The following CFAP53 variants were observed in gnomAD, a reference collection of about 807,000 sequenced individuals.
CFAP53 encodes cilia and flagella associated protein 53.
A neutral mutation model predicts 59.7 loss-of-function variants in CFAP53; 62 were observed. The observed-to-expected ratio is 1.04, with a 90% CI of 0.85 to 1.28. CFAP53 has a LOEUF of 1.28. Among genes scored for constraint, CFAP53 ranks in the 50% most tolerant of loss-of-function variants. The pLI is 0.00. For missense variants in CFAP53, 629 were observed against 615.6 expected (o/e 1.02, Z -0.23); for synonymous variants, 218 against 205.7 (o/e 1.06, Z -0.51).
Position 50,252,438 on chromosome 18 carries a change from C to T in CFAP53, c.474-654G>A, listed in dbSNP as rs188989994. Among the ~76,000 whole-genome samples, 372 of 152,122 alleles carry T rather than the reference C, an allele frequency of 2.4e-3. 2 individuals carry two copies. The highest frequency in any genetic ancestry group is 3.4e-3 in the Non-Finnish European group (228 of 67,980). On this transcript the variant is annotated intron_variant, in intron 3 of 7. Coordinates refer to ENST00000398545, the MANE Select transcript of CFAP53 (RefSeq NM_145020.5). ...TTTTTTTAAGAGACAAGGTCTCACT[C>T]TGTCGCTCAGGCTGGAATGCAGTGG...
chr18:50,230,378 T>C (rs2033569479), intron 7 of CFAP53, among the ~76,000 whole-genome samples: 1 of 152,114 alleles, frequency 6.6e-6, no homozygotes. Context: ...GATGAAGCTC[T>C]AAAAACTCTT....
intron 7 of CFAP53, 135 bp from the exon 8 acceptor site, chr18:50,227,744 A>G: frequency 3.0e-6 from 2 of 664,490 alleles, no homozygotes; most frequent in Non-Finnish European, 5.2e-6. Flanking sequence ...GAGAAGAAAT[A>G]GATGAAAAAC....
chr18:50,261,891 C>T, intron 2 of CFAP53, 99 bp downstream of exon 2: 1 of 827,192 alleles, frequency 1.2e-6, no homozygotes, highest in East Asian at 2.5e-5. Flanking sequence ...ATAAACATCT[C>T]AGCCATGATC....
At chr18:50,260,285 T>C (rs2033878926) in intron 3 of CFAP53, among the ~76,000 whole-genome samples, 1 of 152,084 alleles carries the variant, frequency 6.6e-6, no homozygotes. Context: ...TCACCATGGG[T>C]CTGGGTCAGG....
intron 7 of CFAP53, among the ~76,000 whole-genome samples, chr18:50,238,218 T>G (rs2033656092): frequency 6.6e-6 from 1 of 152,234 alleles, no homozygotes; most frequent in African/African-American, 2.4e-5. Context: ...CAATAATGCA[T>G]GAATTATGGC....
At chr18:50,258,583 C>T (rs1267206067) in intron 3 of CFAP53, among the ~76,000 whole-genome samples, 1 of 151,944 alleles carries the variant, frequency 6.6e-6, no homozygotes, top group Non-Finnish European at 1.5e-5. Flanking sequence ...CACGGGCAAC[C>T]AAAGCAAAAA....
At chr18:50,243,447 G>A (rs1419522326) in intron 5 of CFAP53, among the ~76,000 whole-genome samples, 1 of 152,182 alleles carries the variant, frequency 6.6e-6, no homozygotes, top group Non-Finnish European at 1.5e-5. Flanking sequence ...CTTTCCCAAA[G>A]TGTTTCTCAA....
intron 3 of CFAP53, among the ~76,000 whole-genome samples, chr18:50,254,894 A>T (rs1489247070): frequency 6.6e-6 from 1 of 152,232 alleles, no homozygotes; most frequent in Admixed American, 6.5e-5. Context: ...TCTGTCTCAA[A>T]CAAAACAAAA....
At chr18:50,233,519 C>T (rs182042146) in intron 7 of CFAP53, among the ~76,000 whole-genome samples, 6 of 152,306 alleles carry the variant, frequency 3.9e-5, no homozygotes, top group East Asian at 1.9e-4. Context: ...ATGTCATTTA[C>T]CCCCACACCA....
At chr18:50,232,157 T>C (rs2033589929) in intron 7 of CFAP53, among the ~76,000 whole-genome samples, 2 of 152,202 alleles carry the variant, frequency 1.3e-5, no homozygotes, top group Admixed American at 6.5e-5. Context: ...AGTTGCACCA[T>C]CCCCAAGCAG....
At chr18:50,230,224 A>G (rs7232471) in intron 7 of CFAP53, among the ~76,000 whole-genome samples, 149,234 of 152,332 alleles carry the variant, frequency 0.98, 73,165 homozygotes, top group East Asian at 1. Context: ...AGGAACACCC[A>G]ATTTTATGCT....
At chr18:50,238,572 G>A (rs1409580961) in intron 7 of CFAP53, 31 bp downstream of exon 7, 11 of 1,518,926 alleles carry the variant, frequency 7.2e-6, no homozygotes, top group Admixed American at 1.7e-5. Context: ...TTTTTAGGTA[G>A]CAAATGATGA....
chr18:50,232,636 T>C (rs927812396), intron 7 of CFAP53, among the ~76,000 whole-genome samples: 61 of 152,198 alleles, frequency 4.0e-4, no homozygotes, highest in Non-Finnish European at 7.3e-4. Context: ...CAGGACAGAA[T>C]CTCAACCCCT....
At chr18:50,243,360 G>A (rs111693183) in intron 5 of CFAP53, among the ~76,000 whole-genome samples, 71 of 152,310 alleles carry the variant, frequency 4.7e-4, no homozygotes, top group African/African-American at 1.6e-3. Context: ...TGATGGACAC[G>A]TGGGGACTCA....
At chr18:50,260,483 G>A (rs1355530562) in intron 3 of CFAP53, among the ~76,000 whole-genome samples, 3 of 151,962 alleles carry the variant, frequency 2.0e-5, no homozygotes, top group Non-Finnish European at 2.9e-5. Flanking sequence ...GCAACATGAC[G>A]AAACCCCCAT....
Position 50,250,875 on chromosome 18 carries a change from T to C in CFAP53, c.879A>G (p.Gln293=). The C allele has an allele frequency of 3.7e-6, 6 of 1,614,226 alleles. No homozygotes were observed. The highest frequency in any genetic ancestry group is 5.1e-6 in the Non-Finnish European group (6 of 1,180,016). The change falls in exon 5 of 8, where the codon CAA becomes CAG. Residue 293 remains glutamine (Q), a synonymous_variant. Transcript: ENST00000398545. Reference sequence around the variant, plus strand: ...CCTGCTGAATATGTTCTATCCTCTCTTGTAGGGCTTTTTGCAAAATGGTCC... The same window carrying C: ...CCTGCTGAATATGTTCTATCCTCTCCTGTAGGGCTTTTTGCAAAATGGTCC... ...ETRTILQKAL[Q]ERIEHIQQEY...
At chr18:50,257,394 T>C (rs1329407718) in intron 3 of CFAP53, among the ~76,000 whole-genome samples, 1 of 152,210 alleles carries the variant, frequency 6.6e-6, no homozygotes, top group African/African-American at 2.4e-5. Context: ...AGAAAAGTCT[T>C]AGAACTGCAA....
intron 3 of CFAP53, chr18:50,255,930 A>C (rs2144428924): frequency 6.6e-6 from 1 of 152,294 alleles, no homozygotes; most frequent in East Asian, 1.9e-4. Context: ...TAAAGCCTCA[A>C]CTATATTTTC....
chr18:50,241,800 T>A (rs2033692533), intron 6 of CFAP53, among the ~76,000 whole-genome samples: 2 of 152,026 alleles, frequency 1.3e-5, no homozygotes, highest in African/African-American at 4.8e-5. Flanking sequence ...CTGATGAGGG[T>A]CTGCGTCCCA....
Sources: gnomAD v4.1 joint callset for allele counts (sites outside exome capture counted in the v4.1 genomes callset) on GRCh38, gnomAD v4.1.1 for gene constraint, MANE v1.5 for transcripts, NCBI Gene and HGNC (gene_info 2026-07-23, HGNC 2026-07-21) for gene names.